The following MID1 variants were observed in gnomAD, a reference collection of about 807,000 sequenced individuals.
The protein encoded by MID1 is E3 ubiquitin-protein ligase Midline-1.
MID1 carries 7 observed loss-of-function variants against 40.4 expected under a neutral mutation model. That is an observed-to-expected ratio of 0.17 (90% confidence interval 0.10 to 0.33). The LOEUF (loss-of-function observed/expected upper bound fraction) is 0.33, where lower values mean the gene tolerates loss of function less well. MID1 is among the 10% of genes least tolerant of loss of function. The probability of loss-of-function intolerance (pLI) is 1.00; values close to 1 mark genes in which losing one functional copy is unlikely to be tolerated. For missense variants in MID1, 367 were observed against 558.5 expected (o/e 0.66, Z 3.46); for synonymous variants, 229 against 221.2 (o/e 1.04, Z -0.31).
At chrX:10,644,302 A>T (rs1452858322) in intron 1 of MID1, among the ~76,000 whole-genome samples, 1 of 110,589 alleles carries the variant, frequency 9.0e-6, no homozygotes, top group Non-Finnish European at 1.9e-5. Flanking sequence ...TCTCATTAAA[A>T]AAAAGAACCA....
At chrX:10,748,155 T>A (rs1235953376) in intron 1 of MID1, among the ~76,000 whole-genome samples, 1 of 110,916 alleles carries the variant, frequency 9.0e-6, no homozygotes, top group Non-Finnish European at 1.9e-5. Context: ...CAGCTGGCCT[T>A]TCTCCTGTTT....
upstream of MID1, chrX:10,620,720 A>T (rs1367686511): frequency 1.8e-5 from 2 of 112,373 alleles, no homozygotes; most frequent in Non-Finnish European, 3.8e-5. Context: ...GACTGGAAGC[A>T]GCTGGAAACA....
At chrX:10,571,218 C>G (rs776255636) in intron 1 of MID1, among the ~76,000 whole-genome samples, 1 of 112,376 alleles carries the variant, frequency 8.9e-6, no homozygotes, top group South Asian at 3.7e-4. Flanking sequence ...ACACAATACT[C>G]AGATGTGGTA....
chrX:10,783,306 A>C (rs2043858609), intron 1 of MID1, among the ~76,000 whole-genome samples: 1 of 111,112 alleles, frequency 9.0e-6, no homozygotes, highest in African/African-American at 3.3e-5. Context: ...CAGTCTATTA[A>C]ATTTATCCAT....
At chrX:10,490,006 G>A (rs778005931) in intron 4 of MID1, among the ~76,000 whole-genome samples, 123 of 111,959 alleles carry the variant, frequency 1.1e-3, no homozygotes, top group South Asian at 3.0e-3. Context: ...ATTTTTCAAA[G>A]TTTTAAATGA....
At chrX:10,720,553 T>A (rs2043343810) in intron 1 of MID1, among the ~76,000 whole-genome samples, 1 of 111,531 alleles carries the variant, frequency 9.0e-6, no homozygotes, top group Admixed American at 9.5e-5. Context: ...AAACAACAGG[T>A]GCTGGAGAGG....
intron 1 of MID1, among the ~76,000 whole-genome samples, chrX:10,781,996 T>C (rs1174854969): frequency 8.9e-6 from 1 of 111,999 alleles, no homozygotes; most frequent in African/African-American, 3.2e-5. Context: ...GGATGCTTTT[T>C]TGTGTGTGGA....
intron 1 of MID1, chrX:10,577,067 C>T (rs1171326973): frequency 8.9e-6 from 1 of 112,222 alleles, no homozygotes; most frequent in Non-Finnish European, 1.9e-5. Context: ...ATCCTCTGGC[C>T]TACTCAATGT....
At chrX:10,555,195 A>G (rs749560186) in intron 2 of MID1, among the ~76,000 whole-genome samples, 12 of 112,070 alleles carry the variant, frequency 1.1e-4, no homozygotes, top group Non-Finnish European at 2.1e-4. Flanking sequence ...TAGACCTTTC[A>G]TAAGAAAGCA....
intron 2 of MID1, among the ~76,000 whole-genome samples, chrX:10,561,516 T>G (rs1006301289): frequency 1.9e-5 from 2 of 106,041 alleles, no homozygotes; most frequent in Admixed American, 2.0e-4. Context: ...TTAAACAAAT[T>G]TACAAGAAAA....
intron 1 of MID1, among the ~76,000 whole-genome samples, chrX:10,571,030 G>T (rs1285240290): frequency 1.8e-5 from 2 of 112,454 alleles, no homozygotes; most frequent in Admixed American, 1.9e-4. Context: ...GATATGCAAT[G>T]GGCTTTGAAT....
At chrX:10,513,569 C>T (rs770690050) in intron 3 of MID1, among the ~76,000 whole-genome samples, 2 of 112,303 alleles carry the variant, frequency 1.8e-5, no homozygotes, top group African/African-American at 6.5e-5. Flanking sequence ...AGTGCAATGG[C>T]GTGATCTCAG....
intron 4 of MID1, among the ~76,000 whole-genome samples, chrX:10,489,510 C>T (rs959489742): frequency 1.5e-4 from 17 of 112,012 alleles, no homozygotes; most frequent in African/African-American, 4.5e-4. Flanking sequence ...CTGAAATTGC[C>T]TTTGCATCTT....
intron 1 of MID1, among the ~76,000 whole-genome samples, chrX:10,798,235 A>G (rs2043980503): frequency 8.9e-6 from 1 of 111,779 alleles, no homozygotes; most frequent in African/African-American, 3.3e-5. Context: ...TCTGTTCCTC[A>G]CTAGGTTCAT....
chrX:10,816,957 A>C (rs899642058), intron 1 of MID1, among the ~76,000 whole-genome samples: 1 of 111,550 alleles, frequency 9.0e-6, no homozygotes, highest in African/African-American at 3.3e-5. Context: ...TTTTTACTGA[A>C]ATTTTCTAGT....
At chrX:10,696,154 T>C (rs1327500196) in intron 1 of MID1, among the ~76,000 whole-genome samples, 1 of 111,602 alleles carries the variant, frequency 9.0e-6, no homozygotes, top group Non-Finnish European at 1.9e-5. Flanking sequence ...GCGAGTGGGC[T>C]CAAGCATGCA....
At chrX:10,694,603 G>A (rs186197270) in intron 1 of MID1, among the ~76,000 whole-genome samples, 48 of 112,011 alleles carry the variant, frequency 4.3e-4, no homozygotes, top group Non-Finnish European at 6.4e-4. Context: ...CTAGTTGGGT[G>A]GGAGGGATGG....
Position 10,770,501 on chromosome X carries a change from G to A in MID1, c.-187+63053C>T, listed in dbSNP as rs72612836. Among the ~76,000 whole-genome samples, 123 of 111,446 alleles carry A rather than the reference G, an allele frequency of 1.1e-3. No individual in the cohort carries two copies. In the East Asian group the frequency reaches 0.032, roughly 29 times the overall value. ...AGGTGAGTCCAGTGTATATACCAGG[G>A]AACTAATTTTACCATCTTAAGAAGG... On this transcript the variant is annotated intron_variant, in intron 1 of 10. Coordinates refer to the MID1 transcript ENST00000380785.
At chrX:10,557,971 C>T (rs1422026460) in intron 2 of MID1, among the ~76,000 whole-genome samples, 1 of 110,411 alleles carries the variant, frequency 9.1e-6, no homozygotes, top group Non-Finnish European at 1.9e-5. Flanking sequence ...TGTCTCTTCC[C>T]CCTTTTATTT....
Sources: allele counts gnomAD v4.1 joint callset (sites outside exome capture counted in the v4.1 genomes callset), GRCh38; gene constraint gnomAD v4.1.1; transcripts MANE v1.5; gene names NCBI Gene and HGNC (gene_info 2026-07-23, HGNC 2026-07-21).